NOD2: variants seen among roughly 807,000 people sequenced by gnomAD.
NOD2 encodes the protein nucleotide-binding oligomerization domain-containing protein 2.
In NOD2, 86 loss-of-function variants were observed where a neutral mutation model predicts 90.9. The ratio of observed to expected loss-of-function variants is 0.95; its 90% confidence interval spans 0.79 to 1.13. The LOEUF (loss-of-function observed/expected upper bound fraction) is 1.13, where lower values mean the gene tolerates loss of function less well. Ranked by LOEUF, NOD2 falls within the 50% of genes most tolerant of loss-of-function variation. The probability of loss-of-function intolerance (pLI) is 0.00; values close to 1 mark genes in which losing one functional copy is unlikely to be tolerated. For missense variants in NOD2, 1,238 were observed against 1,283.8 expected (o/e 0.96, Z 0.55); for synonymous variants, 581 against 554.6 (o/e 1.05, Z -0.67).
intron 9 of NOD2, among the ~76,000 whole-genome samples, chr16:50,724,462 T>C (rs746445895): frequency 2.6e-4 from 40 of 152,106 alleles, no homozygotes; most frequent in Non-Finnish European, 1.3e-4. Flanking sequence ...GAACTGGGAG[T>C]GCTCCACCCA....
At position 50,710,691 on chromosome 16, in the gene NOD2, G is replaced by C. The variant is rs528290590; in HGVS notation, c.699G>C (p.Trp233Cys). The C allele has an allele frequency of 1.2e-6, 2 of 1,613,870 alleles. No individual in the cohort carries two copies. Among genetic ancestry groups the C allele is most frequent in the Non-Finnish European group, 1.7e-6 (2 of 1,179,874 alleles). ...ACACAGAGAATGTCCTGGAGGTCTGGGCAGATGTGGGCATGGCTGGACCCC... is the reference window on the plus strand; with the variant it reads ...ACACAGAGAATGTCCTGGAGGTCTGCGCAGATGTGGGCATGGCTGGACCCC... ...DIYTENVLEV[W>C]ADVGMAGPPQ... is the part of the protein sequence containing the mutation. Residue 233 changes from tryptophan (W) to cysteine (C), a missense_variant, in exon 4 of 12, where the codon TGG becomes TGC. Trp to Cys is a radical substitution (Grantham distance 215). This residue lies in a region of NOD2 where 567 missense variants were observed against 577.3 expected (regional missense o/e 0.98). Coordinates refer to ENST00000647318, the MANE Select transcript of NOD2 (RefSeq NM_001370466.1).
chr16:50,719,717 C>G lies in NOD2; in HGVS notation c.2550-208C>G, dbSNP rs761297727. The G allele has an allele frequency of 3.3e-5, 23 of 688,442 alleles. 1 individual carries two copies. The South Asian group carries it at 3.4e-4, about 10-fold the overall frequency. The allele number at this position is 688,442 out of a possible 1,614,324, so 42.6% of individuals were successfully genotyped here. The stretch of plus-strand genomic sequence containing the variant: ...TCACACTGCTGTGCAAACAGCGTCC[C>G]GCTGCCCCTTTCCCTTTGCTGGGGG... On this transcript the variant is annotated intron_variant, in intron 6 of 11. Coordinates refer to ENST00000647318, the MANE Select transcript of NOD2 (RefSeq NM_001370466.1).
At chr16:50,716,782 TG>T in intron 5 of NOD2, 108 bp from the exon 6 acceptor site, 3 of 1,457,942 alleles carry the variant, frequency 2.1e-6, no homozygotes, top group African/African-American at 1.4e-5. Flanking sequence ...GTTTGCATGA[TG>T]GGGGGTGCAG....
At chr16:50,706,523 T>TAGAGGAGGTGAC (rs1964199809) in intron 2 of NOD2, among the ~76,000 whole-genome samples, 1 of 151,990 alleles carries the variant, frequency 6.6e-6, no homozygotes, top group Admixed American at 6.6e-5. Context: ...GAGGATGGTA[T>TAGAGGAGGTGAC]AGAGGAGGTG....
At chr16:50,713,869 G>A (rs552101711) in intron 4 of NOD2, among the ~76,000 whole-genome samples, 3 of 152,290 alleles carry the variant, frequency 2.0e-5, no homozygotes, top group East Asian at 1.9e-4. Flanking sequence ...CAGGGAGGCC[G>A]AGTGGGCTGT....
In NOD2 at chr16:50,716,880, G is replaced by T. The variant is rs5743285; in HGVS notation, c.2466-11G>T. 7.0e-4 allele frequency: 1,124 copies of T among 1,613,514 alleles called. 8 individuals are homozygous for T. In the African/African-American group the frequency reaches 0.013, roughly 19 times the overall value. On this transcript the variant is annotated splice_polypyrimidine_tract_variant and intron_variant, in intron 5 of 11. Transcript: ENST00000647318. ...TTGCTTCTGTGTCTCCTCTCTTCTG[G>T]AACTGAACAGTCTATTCAACAACAA...
intron 3 of NOD2, among the ~76,000 whole-genome samples, chr16:50,708,417 C>A (rs748583136): frequency 6.6e-6 from 1 of 152,176 alleles, no homozygotes; most frequent in South Asian, 2.1e-4. Context: ...AACTCAGGAA[C>A]AGGAGGGGCT....
At chr16:50,721,515 A>G (rs1201523727) in intron 7 of NOD2, among the ~76,000 whole-genome samples, 1 of 151,768 alleles carries the variant, frequency 6.6e-6, no homozygotes, top group African/African-American at 2.4e-5. Flanking sequence ...ATTTACAGAA[A>G]GGGTCTCACT....
In NOD2 at chr16:50,707,935, A is replaced by T. The variant is rs377752699; in HGVS notation, c.540A>T (p.Pro180=). The T allele has an allele frequency of 6.8e-5, 109 of 1,613,438 alleles. No individual in the cohort carries two copies. Among genetic ancestry groups the T allele is most frequent in the Non-Finnish European group, 6.4e-5 (76 of 1,179,480 alleles). ...AFLLQHVQEL[P]VPLALPLEAA... is the part of the protein sequence containing the mutation. ...TTCTACAACATGTTCAGGAATTACC[A>T]GTCCCATTGGCCCTGCCTTTGGAAG... Residue 180 remains proline, a synonymous_variant, in exon 3 of 12, where the codon CCA becomes CCT. Transcript: ENST00000647318.
intron 1 of NOD2, among the ~76,000 whole-genome samples, chr16:50,694,960 G>A (rs542068348): frequency 6.6e-6 from 1 of 152,270 alleles, no homozygotes; most frequent in Admixed American, 6.5e-5. Flanking sequence ...AGCACAACCA[G>A]GGAAGGCTTC....
chr16:50,714,251 C>T (rs1964678137), intron 4 of NOD2, among the ~76,000 whole-genome samples: 1 of 152,098 alleles, frequency 6.6e-6, no homozygotes, highest in African/African-American at 2.4e-5. Flanking sequence ...ACCTGTGGGT[C>T]TGTCTCTGTG....
At position 50,731,995 on chromosome 16, in the gene NOD2, T is replaced by C; in HGVS notation, c.*176T>C. Reference sequence around the variant, plus strand: ...CTTTATTCTGGCAGAGGAGGGAGCATCAGTGCCCTCCAGGATAGACTTTTC... The same window carrying C: ...CTTTATTCTGGCAGAGGAGGGAGCACCAGTGCCCTCCAGGATAGACTTTTC... On this transcript the variant is annotated 3_prime_UTR_variant, in exon 12 of 12. Transcript: ENST00000647318. The C allele has an allele frequency of 3.0e-6, 2 of 665,196 alleles. No homozygotes were observed. Among genetic ancestry groups the C allele is most frequent in the Middle Eastern group, 3.9e-4 (1 of 2,532 alleles). The allele number at this position is 665,196 out of a possible 1,614,324, so 41.2% of individuals were successfully genotyped here.
chr16:50,698,541 C>T (rs1244135542), intron 1 of NOD2, among the ~76,000 whole-genome samples: 1 of 152,214 alleles, frequency 6.6e-6, no homozygotes, highest in Non-Finnish European at 1.5e-5. Context: ...AAACACACAG[C>T]ACGGGCTTGG....
chr16:50,701,932 G>A (rs903276111), intron 2 of NOD2, among the ~76,000 whole-genome samples: 13 of 152,168 alleles, frequency 8.5e-5, no homozygotes, highest in Non-Finnish European at 5.9e-5. Flanking sequence ...GAAGGCATTT[G>A]TTTATTTATT....
intron 1 of NOD2, chr16:50,697,113 G>T: frequency 2.4e-6 from 2 of 849,592 alleles, no homozygotes; most frequent in Non-Finnish European, 3.9e-6. Context: ...CTTTTCCTTT[G>T]GGAATTTCCC....
At chr16:50,694,818 G>A (rs1275978058) in intron 1 of NOD2, among the ~76,000 whole-genome samples, 1 of 152,308 alleles carries the variant, frequency 6.6e-6, no homozygotes, top group East Asian at 1.9e-4. Flanking sequence ...CTCATGGAGT[G>A]CACACTCTAG....
intron 9 of NOD2, 36 bp downstream of exon 9, chr16:50,723,420 A>T: frequency 6.3e-7 from 1 of 1,585,892 alleles, no homozygotes; most frequent in Non-Finnish European, 8.7e-7. Context: ...GGGGAAGTGG[A>T]TCACAATCTC....
At chr16:50,695,666 C>T (rs1191137922) in intron 1 of NOD2, among the ~76,000 whole-genome samples, 2 of 152,016 alleles carry the variant, frequency 1.3e-5, no homozygotes, top group Non-Finnish European at 2.9e-5. Context: ...TGTTAGGAAC[C>T]AGCCAAGAAG....
rs116211052 is a variant in NOD2, at chr16:50,727,799, A to T, written c.2886-2019A>T. On this transcript the variant is annotated intron_variant, in intron 10 of 11. Transcript: ENST00000647318. ...TTGCAGTTTTCAGTGCATCTCATTGACTTGCCGAGCATACTTCTCATATGT... is the reference window on the plus strand; with the variant it reads ...TTGCAGTTTTCAGTGCATCTCATTGTCTTGCCGAGCATACTTCTCATATGT... The T allele has an allele frequency of 1.3e-3, 466 of 349,662 alleles. 4 individuals carry two copies. The highest frequency in any genetic ancestry group is 8.9e-3 in the African/African-American group (419 of 47,034). The allele number at this position is 349,662 out of a possible 1,614,324, so 21.7% of individuals were successfully genotyped here.
Sources: gnomAD v4.1 joint callset for allele counts (sites outside exome capture counted in the v4.1 genomes callset) on GRCh38, gnomAD v4.1.1 for gene constraint, gnomAD v4.1.1 regional missense constraint, MANE v1.5 for transcripts, NCBI Gene and HGNC (gene_info 2026-07-23, HGNC 2026-07-21) for gene names.